The following TNR variants were observed in gnomAD, a reference collection of about 807,000 sequenced individuals.
The protein encoded by TNR is tenascin R, also known as tenascin-R.
A neutral mutation model predicts 150.4 loss-of-function variants in TNR; 45 were observed. The observed-to-expected ratio is 0.30, with a 90% confidence interval of 0.24 to 0.38. The LOEUF (loss-of-function observed/expected upper bound fraction) is 0.38. Ranked by LOEUF, TNR falls within the 10% of genes least tolerant of loss-of-function variation. The pLI, the probability that TNR is intolerant of heterozygous loss-of-function variation, is 1.00. For synonymous variants in TNR, 687 were observed against 678.4 expected, an observed-to-expected ratio of 1.01 and a Z score of -0.20; for missense variants, 1,544 against 1,759.1, an observed-to-expected ratio of 0.88 and a Z score of 2.19.
rs181501191 is a variant in TNR, at chr1:175,710,755, C to A, written c.-165+32471G>T. Among the ~76,000 whole-genome samples, 5 of 152,294 alleles carry A rather than the reference C, an allele frequency of 3.3e-5. No homozygotes were observed. In the East Asian group the frequency reaches 9.7e-4, roughly 29 times the overall value. Reference sequence around the variant, plus strand: ...TCTCAGGAGTCTCACTCACTCCCTTCTATTTACCTTTCTCATCATTGCCAA... The same window carrying A: ...TCTCAGGAGTCTCACTCACTCCCTTATATTTACCTTTCTCATCATTGCCAA... On this transcript the variant is annotated intron_variant, in intron 1 of 22. Transcript: ENST00000367674.
At chr1:175,330,009 C>G (rs897146353) in intron 21 of TNR, 65 bp downstream of exon 21, 8 of 1,414,002 alleles carry the variant, frequency 5.7e-6, no homozygotes, top group Non-Finnish European at 7.5e-6. Flanking sequence ...CAGCTTACGC[C>G]TAGAATCTGG....
chr1:175,447,038 C>T (rs1273064871), intron 2 of TNR, among the ~76,000 whole-genome samples: 2 of 152,150 alleles, frequency 1.3e-5, no homozygotes. Context: ...TATGCATGTG[C>T]ATGTGTGTTT....
In TNR at chr1:175,321,370, C is replaced by T. The variant is rs1649042237; in HGVS notation, c.*1987G>A. On this transcript the variant is annotated 3_prime_UTR_variant, in exon 23 of 23. Transcript: ENST00000367674. Reference sequence around the variant, plus strand: ...GAGGCCTGATGGTCAGCCCAAGGGACTTTTCATCTTGGTTCTCAAAGCTTG... The same window carrying T: ...GAGGCCTGATGGTCAGCCCAAGGGATTTTTCATCTTGGTTCTCAAAGCTTG... 6.6e-6 allele frequency: 1 copy of T among 152,212 alleles called. No individual in the cohort carries two copies. Among genetic ancestry groups the T allele is most frequent in the Non-Finnish European group, 1.5e-5 (1 of 68,060 alleles). 9.4% of individuals were successfully genotyped at this position (152,212 alleles called of 1,614,324 possible).
At chr1:175,571,807 T>G (rs951879856) in intron 1 of TNR, among the ~76,000 whole-genome samples, 3 of 152,152 alleles carry the variant, frequency 2.0e-5, no homozygotes, top group Admixed American at 2.0e-4. Context: ...CCACTTTACT[T>G]GTGTCTTCAG....
intron 7 of TNR, among the ~76,000 whole-genome samples, chr1:175,391,003 G>T (rs780333767): frequency 2.0e-5 from 3 of 152,224 alleles, no homozygotes; most frequent in Non-Finnish European, 4.4e-5. Flanking sequence ...GCTGACAAAT[G>T]AGTGTTCTTC....
At chr1:175,587,693 C>T (rs965082893) in intron 1 of TNR, among the ~76,000 whole-genome samples, 8 of 152,170 alleles carry the variant, frequency 5.3e-5, no homozygotes, top group African/African-American at 1.9e-4. Context: ...AGCCTAGACC[C>T]TACCCCAATA....
At chr1:175,720,557 G>C (rs12142429) in intron 1 of TNR, among the ~76,000 whole-genome samples, 1 of 152,112 alleles carries the variant, frequency 6.6e-6, no homozygotes, top group Admixed American at 6.5e-5. Context: ...GAGTTTACAC[G>C]TAAGTAAAGG....
At chr1:175,566,723 T>G (rs1661658569) in intron 1 of TNR, among the ~76,000 whole-genome samples, 1 of 152,358 alleles carries the variant, frequency 6.6e-6, no homozygotes, top group Non-Finnish European at 1.5e-5. Flanking sequence ...GAATGAGGCA[T>G]GCTCACGTTC....
chr1:175,516,482 G>A (rs1001234328), intron 2 of TNR, among the ~76,000 whole-genome samples: 10 of 152,204 alleles, frequency 6.6e-5, no homozygotes, highest in Admixed American at 5.9e-4. Flanking sequence ...TCCTGATAAG[G>A]TTGGGGACCA....
At position 175,563,979 on chromosome 1, in the gene TNR, GA is replaced by G. The variant is rs1485487422; in HGVS notation, c.-164-35611del. On this transcript the variant is annotated intron_variant, in intron 1 of 22. Coordinates refer to ENST00000367674, the MANE Select transcript of TNR (RefSeq NM_003285.3). Reference sequence around the variant, plus strand: ...TTGTTTGCTTTCCTCCATCACTTCAGAAACTGGTGTGTGCTGAATCTTCATT... The same window carrying G: ...TTGTTTGCTTTCCTCCATCACTTCAGAACTGGTGTGTGCTGAATCTTCATT... Among the ~76,000 whole-genome samples, 3 of 152,200 alleles carry G rather than the reference GA, an allele frequency of 2.0e-5. No individual in the cohort carries two copies. In the East Asian group the frequency reaches 5.8e-4, roughly 29 times the overall value.
intron 1 of TNR, among the ~76,000 whole-genome samples, chr1:175,734,765 C>T (rs1667727660): frequency 6.6e-6 from 1 of 152,202 alleles, no homozygotes; most frequent in Non-Finnish European, 1.5e-5. Flanking sequence ...GGGAGTGCAT[C>T]ATTGCTGGGC....
intron 19 of TNR, 41 bp from the exon 20 acceptor site, chr1:175,335,848 A>C (rs1650221970): frequency 1.3e-6 from 2 of 1,566,338 alleles, no homozygotes; most frequent in African/African-American, 2.7e-5. Context: ...ACAAACAAAA[A>C]AACAAAACCC....
intron 18 of TNR, 94 bp downstream of exon 18, chr1:175,354,297 A>G: frequency 6.7e-7 from 1 of 1,499,278 alleles, no homozygotes; most frequent in Non-Finnish European, 8.9e-7. Flanking sequence ...CTTTTTTGAT[A>G]AACTGCTCCC....
At chr1:175,377,988 G>T (rs976459697) in intron 9 of TNR, among the ~76,000 whole-genome samples, 1 of 151,996 alleles carries the variant, frequency 6.6e-6, no homozygotes. Flanking sequence ...TGTTGCCTGG[G>T]TCTCACATTC....
chr1:175,344,009 C>T (rs957289052), intron 18 of TNR, among the ~76,000 whole-genome samples: 1 of 152,132 alleles, frequency 6.6e-6, no homozygotes, highest in East Asian at 1.9e-4. Context: ...AGGAATGAAG[C>T]AGAGAAAGCA....
At chr1:175,604,439 A>G (rs1282058503) in intron 1 of TNR, among the ~76,000 whole-genome samples, 3 of 152,198 alleles carry the variant, frequency 2.0e-5, no homozygotes, top group African/African-American at 7.2e-5. Context: ...GCCTGGTCTC[A>G]GCCTTCCTTT....
chr1:175,709,908 T>C (rs972369531), intron 1 of TNR, among the ~76,000 whole-genome samples: 7 of 151,916 alleles, frequency 4.6e-5, no homozygotes, highest in Non-Finnish European at 7.4e-5. Context: ...CCAACATTGC[T>C]GAAACTCACT....
intron 18 of TNR, among the ~76,000 whole-genome samples, chr1:175,351,863 G>A (rs898626059): frequency 2.0e-5 from 3 of 152,178 alleles, no homozygotes; most frequent in Non-Finnish European, 2.9e-5. Context: ...TACACTCACC[G>A]CATAGGAAAT....
At chr1:175,346,525 T>C (rs1428516205) in intron 18 of TNR, among the ~76,000 whole-genome samples, 1 of 150,554 alleles carries the variant, frequency 6.6e-6, no homozygotes. Context: ...ATAAAAGAAA[T>C]ATATCACTAG....
Sources: allele counts gnomAD v4.1 joint callset (sites outside exome capture counted in the v4.1 genomes callset), GRCh38; gene constraint gnomAD v4.1.1; transcripts MANE v1.5; gene names NCBI Gene and HGNC (gene_info 2026-07-23, HGNC 2026-07-21).